CDH18: variants seen among roughly 807,000 people sequenced by gnomAD.
CDH18 encodes the protein cadherin-18.
In CDH18, 31 loss-of-function variants were observed where a neutral mutation model predicts 67.9. That is an observed-to-expected ratio of 0.46 (90% CI 0.34 to 0.62). CDH18 has a LOEUF of 0.62. Among genes scored for constraint, CDH18 ranks in the 20% least tolerant of loss-of-function variants. The pLI is 0.01. For synonymous variants in CDH18, 362 were observed against 347.2 expected (o/e 1.04, Z -0.48); for missense variants, 890 against 975.5 (o/e 0.91, Z 1.17).
intron 1 of CDH18, among the ~76,000 whole-genome samples, chr5:20,280,854 T>C (rs1052492230): frequency 3.9e-5 from 6 of 152,192 alleles, no homozygotes; most frequent in African/African-American, 1.2e-4. Flanking sequence ...TTTCTCCACA[T>C]CCTCTCCAGC....
intron 1 of CDH18, among the ~76,000 whole-genome samples, chr5:20,326,615 T>C (rs1561973757): frequency 6.6e-6 from 1 of 151,062 alleles, no homozygotes; most frequent in Non-Finnish European, 1.5e-5. Context: ...CTCAGCTCAC[T>C]GCAAGCTCCG....
chr5:20,405,835 C>G (rs1304973161), intron 1 of CDH18, among the ~76,000 whole-genome samples: 1 of 152,180 alleles, frequency 6.6e-6, no homozygotes, highest in African/African-American at 2.4e-5. Context: ...TGAAAAAATG[C>G]TCATCATCAC....
At chr5:19,669,472 G>A (rs971948271) in intron 5 of CDH18, among the ~76,000 whole-genome samples, 1 of 151,634 alleles carries the variant, frequency 6.6e-6, no homozygotes, top group African/African-American at 2.4e-5. Context: ...TGTATTCTTA[G>A]CAGAGACGGG....
At chr5:19,717,842 T>A (rs1324564625) in intron 5 of CDH18, among the ~76,000 whole-genome samples, 1 of 152,092 alleles carries the variant, frequency 6.6e-6, no homozygotes, top group Non-Finnish European at 1.5e-5. Context: ...ATAGCATATG[T>A]ATTTTATATT....
chr5:19,566,793 T>C (rs538523306), intron 8 of CDH18, among the ~76,000 whole-genome samples: 3 of 152,252 alleles, frequency 2.0e-5, no homozygotes, highest in Non-Finnish European at 4.4e-5. Flanking sequence ...CCATATTCAC[T>C]GCAGCACTAA....
chr5:19,551,698 A>G (rs1438910023), intron 8 of CDH18, among the ~76,000 whole-genome samples: 1 of 152,122 alleles, frequency 6.6e-6, no homozygotes, highest in Non-Finnish European at 1.5e-5. Context: ...TTTTGATAAG[A>G]CAGTTCATAG....
At position 19,963,195 on chromosome 5, in the gene CDH18, G is replaced by A. The variant is rs571357063; in HGVS notation, c.-257+17865C>T. 2.0e-5 allele frequency among the ~76,000 whole-genome samples: 3 copies of A among 152,178 alleles called. No homozygotes were observed. The South Asian group carries it at 6.2e-4, about 31-fold the overall frequency. On this transcript the variant is annotated intron_variant, in intron 2 of 12. Coordinates refer to ENST00000382275, the MANE Select transcript of CDH18 (RefSeq NM_004934.5). Reference sequence around the variant, plus strand: ...CCTTACATACCGTCATAATTTTACAGTATTTCCATTTATGAAGGTTTAAAA... The same window carrying A: ...CCTTACATACCGTCATAATTTTACAATATTTCCATTTATGAAGGTTTAAAA...
intron 4 of CDH18, 74 bp downstream of exon 4, chr5:19,746,868 A>T (rs1770068050): frequency 2.5e-6 from 3 of 1,178,756 alleles, no homozygotes; most frequent in Non-Finnish European, 3.7e-6. Flanking sequence ...ATAAGTAAAA[A>T]TTGGTATTCT....
chr5:20,532,090 C>T (rs1297667214), intron 1 of CDH18, among the ~76,000 whole-genome samples: 1 of 151,960 alleles, frequency 6.6e-6, no homozygotes, highest in African/African-American at 2.4e-5. Context: ...TTCTACCTTA[C>T]AAGTTTAATG....
At chr5:20,339,896 A>T (rs779956402) in intron 1 of CDH18, among the ~76,000 whole-genome samples, 16 of 152,238 alleles carry the variant, frequency 1.1e-4, no homozygotes, top group Admixed American at 3.9e-4. Context: ...CCCTGCAAGC[A>T]GCAGAGAAAT....
At chr5:19,999,212 T>G (rs575760828) in intron 2 of CDH18, among the ~76,000 whole-genome samples, 23 of 151,482 alleles carry the variant, frequency 1.5e-4, no homozygotes, top group Non-Finnish European at 3.2e-4. Flanking sequence ...GAAGGAACTA[T>G]TATTTACACA....
intron 10 of CDH18, among the ~76,000 whole-genome samples, chr5:19,504,373 T>G (rs1042401562): frequency 7.2e-5 from 11 of 152,050 alleles, no homozygotes; most frequent in African/African-American, 2.7e-4. Flanking sequence ...TAAGTCTCTA[T>G]CCTTCTTGAT....
upstream of CDH18, among the ~76,000 whole-genome samples, chr5:19,990,354 A>C (rs959913039): frequency 6.6e-6 from 1 of 152,218 alleles, no homozygotes; most frequent in East Asian, 1.9e-4. Context: ...AGACACAAGC[A>C]ATGAGCATCT....
chr5:19,493,542 G>GTGTC (rs1405450783), intron 11 of CDH18, among the ~76,000 whole-genome samples: 4 of 79,804 alleles, frequency 5.0e-5, no homozygotes, highest in African/African-American at 1.8e-4. Flanking sequence ...ATTGGGGTGT[G>GTGTC]TGTGTGTGTG....
chr5:19,640,631 T>A (rs914541389), intron 5 of CDH18, among the ~76,000 whole-genome samples: 1 of 152,038 alleles, frequency 6.6e-6, no homozygotes, highest in Non-Finnish European at 1.5e-5. Context: ...ATTTAGAGAA[T>A]ATTTCCAGAC....
intron 2 of CDH18, among the ~76,000 whole-genome samples, chr5:19,841,022 T>A (rs572663195): frequency 1.7e-4 from 26 of 152,244 alleles, no homozygotes; most frequent in African/African-American, 6.0e-4. Flanking sequence ...TCTTACACAG[T>A]TGAGGAAAGA....
chr5:19,596,628 T>C (rs189043370), intron 6 of CDH18, among the ~76,000 whole-genome samples: 1 of 152,264 alleles, frequency 6.6e-6, no homozygotes. Context: ...ACAAAGCGGA[T>C]TGCAAAAAAC....
chr5:20,105,498 C>G (rs1746852568), intron 2 of CDH18, among the ~76,000 whole-genome samples: 1 of 152,134 alleles, frequency 6.6e-6, no homozygotes, highest in Non-Finnish European at 1.5e-5. Flanking sequence ...AGCATGTTCG[C>G]AGTGTTGAGC....
At chr5:19,741,243 A>G (rs1581144959) in intron 4 of CDH18, among the ~76,000 whole-genome samples, 1 of 88,116 alleles carries the variant, frequency 1.1e-5, no homozygotes, top group Admixed American at 1.3e-4. Context: ...ATGTACATAT[A>G]TGTATGTATA....
Sources: gnomAD v4.1 joint callset for allele counts (sites outside exome capture counted in the v4.1 genomes callset) on GRCh38, gnomAD v4.1.1 for gene constraint, MANE v1.5 for transcripts, NCBI Gene and HGNC (gene_info 2026-07-23, HGNC 2026-07-21) for gene names.